GLRB: variants seen among roughly 807,000 people sequenced by gnomAD.
GLRB encodes the protein glycine receptor subunit beta.
In GLRB, 33 loss-of-function variants were observed where a neutral mutation model predicts 54.2. That is an observed-to-expected ratio of 0.61 (90% confidence interval 0.46 to 0.81). The LOEUF (loss-of-function observed/expected upper bound fraction) is 0.81, where lower values mean the gene tolerates loss of function less well. Ranked by LOEUF, GLRB falls within the 40% of genes least tolerant of loss-of-function variation. The pLI, the probability that GLRB is intolerant of heterozygous loss-of-function variation, is 0.00. For synonymous variants in GLRB, 209 were observed against 208.2 expected (o/e 1.00, Z -0.03); for missense variants, 572 against 584.6 (o/e 0.98, Z 0.22).
At chr4:157,125,829 TC>T (rs1286446170) in intron 4 of GLRB, among the ~76,000 whole-genome samples, 2 of 151,946 alleles carry the variant, frequency 1.3e-5, no homozygotes, top group Non-Finnish European at 2.9e-5. Flanking sequence ...ACACCAGTAA[TC>T]CCAGCTACTT....
Position 157,143,840 on chromosome 4 carries a change from T to C in GLRB, c.785T>C (p.Leu262Pro). The part of the protein sequence containing the change: ...YYTCVEVIFT[L>P]RRQVGFYMMG... ...ACATGCGTGGAAGTCATCTTCACCC[T>C]GAGGAGGCAGGTCGGCTTTTACATG... Residue 262 changes from leucine (L) to proline (P), a missense_variant, in exon 8 of 10, where the codon CTG becomes CCG. By Grantham distance (98) the Leu-to-Pro change is moderately conservative. Transcript: ENST00000264428. 6.2e-7 allele frequency: 1 copy of C among 1,613,810 alleles called. No homozygotes were observed. The highest frequency in any genetic ancestry group is 8.5e-7 in the Non-Finnish European group (1 of 1,179,948).
intron 9 of GLRB, among the ~76,000 whole-genome samples, chr4:157,158,428 T>A (rs887739730): frequency 3.3e-5 from 5 of 152,170 alleles, no homozygotes; most frequent in Admixed American, 2.6e-4. Flanking sequence ...CTGAATGGTA[T>A]TGCCTAGGTT....
chr4:157,097,621 C>T (rs1734859999), intron 2 of GLRB, among the ~76,000 whole-genome samples: 1 of 152,130 alleles, frequency 6.6e-6, no homozygotes, highest in African/African-American at 2.4e-5. Context: ...AGTTGAGTTC[C>T]AACATTCAGC....
At chr4:157,103,213 A>G (rs1277637061) in intron 2 of GLRB, among the ~76,000 whole-genome samples, 1 of 152,066 alleles carries the variant, frequency 6.6e-6, no homozygotes, top group Non-Finnish European at 1.5e-5. Flanking sequence ...AAGGCACTCA[A>G]ATGCTCAGCC....
In GLRB at chr4:157,171,724, TA is replaced by T. The variant is rs575928735; in HGVS notation, c.*997del. The T allele has an allele frequency of 1.5e-3, 224 of 152,206 alleles. No homozygotes were observed. Among genetic ancestry groups the T allele is most frequent in the African/African-American group, 5.0e-3 (209 of 41,570 alleles). 9.4% of individuals were successfully genotyped at this position (152,206 alleles called of 1,614,324 possible). On this transcript the variant is annotated 3_prime_UTR_variant, in exon 10 of 10. Transcript: ENST00000264428. ...AAAATGTTTACTGAATTTATTTTTTTATTTGAATATTTTGGGATTAGTTACA... is the reference window on the plus strand; with the variant it reads ...AAAATGTTTACTGAATTTATTTTTTTTTTGAATATTTTGGGATTAGTTACA...
rs560271729 is a variant in GLRB at position 157,122,459 on chromosome 4, A to T, written c.297+62A>T. 6 of 659,946 alleles carry T rather than the reference A, an allele frequency of 9.1e-6. No homozygotes were observed. The East Asian group carries it at 1.4e-4, about 15-fold the overall frequency. The allele number at this position is 659,946 out of a possible 1,614,324, so 40.9% of individuals were successfully genotyped here. ...TTCAATAGAGGAGATAGTGAAAGTA[A>T]CATTAAAATTGAACAATAAGGAGCA... On this transcript the variant is annotated intron_variant, in intron 4 of 9. Coordinates refer to ENST00000264428, the MANE Select transcript of GLRB (RefSeq NM_000824.5).
At chr4:157,091,981 C>A (rs1011025013) in intron 2 of GLRB, among the ~76,000 whole-genome samples, 1 of 152,102 alleles carries the variant, frequency 6.6e-6, no homozygotes, top group African/African-American at 2.4e-5. Context: ...TACAAAAAAT[C>A]AATGATGATA....
At chr4:157,124,013 A>G (rs1735926624) in intron 4 of GLRB, among the ~76,000 whole-genome samples, 1 of 151,698 alleles carries the variant, frequency 6.6e-6, no homozygotes, top group Non-Finnish European at 1.5e-5. Flanking sequence ...ATTCCTTCCA[A>G]CTATCAGGAA....
At chr4:157,128,068 TA>T (rs1736079747) in intron 4 of GLRB, among the ~76,000 whole-genome samples, 1 of 151,906 alleles carries the variant, frequency 6.6e-6, no homozygotes, top group Non-Finnish European at 1.5e-5. Context: ...TATCTGATTA[TA>T]ACATAACTTT....
At chr4:157,097,775 C>T (rs1734867527) in intron 2 of GLRB, among the ~76,000 whole-genome samples, 1 of 152,198 alleles carries the variant, frequency 6.6e-6, no homozygotes, top group Non-Finnish European at 1.5e-5. Context: ...AATCCCAGCA[C>T]TTTGGGAGGC....
chr4:157,091,891 T>C (rs2126453694), intron 2 of GLRB, among the ~76,000 whole-genome samples: 1 of 152,266 alleles, frequency 6.6e-6, no homozygotes, highest in East Asian at 1.9e-4. Flanking sequence ...ATCTGTTACA[T>C]CCCTCCTTAT....
intron 2 of GLRB, among the ~76,000 whole-genome samples, chr4:157,096,443 T>C (rs1192117771): frequency 1.3e-5 from 2 of 152,182 alleles, no homozygotes; most frequent in South Asian, 2.1e-4. Context: ...TGGGAAAACA[T>C]AGAATTTCTT....
At chr4:157,149,420 A>G (rs2126595113) in intron 8 of GLRB, among the ~76,000 whole-genome samples, 1 of 152,184 alleles carries the variant, frequency 6.6e-6, no homozygotes, top group Middle Eastern at 3.4e-3. Context: ...AACGTTTTGT[A>G]ATACTCTTAA....
intron 4 of GLRB, among the ~76,000 whole-genome samples, chr4:157,135,164 TAAC>T (rs1736356023): frequency 6.6e-6 from 1 of 152,152 alleles, no homozygotes; most frequent in Admixed American, 6.6e-5. Flanking sequence ...GTCACAGCTT[TAAC>T]AACAAGTATG....
chr4:157,097,852 C>G (rs1024120345), intron 2 of GLRB, among the ~76,000 whole-genome samples: 1 of 152,114 alleles, frequency 6.6e-6, no homozygotes, highest in African/African-American at 2.4e-5. Flanking sequence ...GAAACCCCGT[C>G]TCTACTAAAA....
chr4:157,148,060 A>T (rs898183079), intron 8 of GLRB, among the ~76,000 whole-genome samples: 1 of 152,178 alleles, frequency 6.6e-6, no homozygotes, highest in Non-Finnish European at 1.5e-5. Flanking sequence ...ACACAAAGGG[A>T]GGTAGATGGG....
At chr4:157,140,540 G>A (rs576456718) in intron 7 of GLRB, among the ~76,000 whole-genome samples, 6 of 151,922 alleles carry the variant, frequency 3.9e-5, no homozygotes, top group African/African-American at 1.4e-4. Context: ...GCTATACTAG[G>A]CATTGTTTTT....
chr4:157,083,498 G>C (rs1734299869), intron 2 of GLRB, among the ~76,000 whole-genome samples: 1 of 152,052 alleles, frequency 6.6e-6, no homozygotes, highest in African/African-American at 2.4e-5. Flanking sequence ...TACTTGGTGG[G>C]CATATTTTAG....
intron 1 of GLRB, among the ~76,000 whole-genome samples, chr4:157,077,377 T>G (rs1244243196): frequency 6.6e-6 from 1 of 152,092 alleles, no homozygotes; most frequent in African/African-American, 2.4e-5. Context: ...AAGAGGCACC[T>G]TTTTGGGGCA....
Sources: gnomAD v4.1 joint callset for allele counts (sites outside exome capture counted in the v4.1 genomes callset) on GRCh38, gnomAD v4.1.1 for gene constraint, MANE v1.5 for transcripts, NCBI Gene and HGNC (gene_info 2026-07-23, HGNC 2026-07-21) for gene names.